CADM2: variants seen among roughly 807,000 people sequenced by gnomAD.
CADM2 encodes the protein cell adhesion molecule 2.
A neutral mutation model predicts 49.8 loss-of-function variants in CADM2; 12 were observed. That is an observed-to-expected ratio of 0.24 (90% CI 0.15 to 0.39). CADM2 has a LOEUF of 0.39. Among genes scored for constraint, CADM2 ranks in the 10% least tolerant of loss-of-function variants. The probability of loss-of-function intolerance (pLI) is 1.00; values close to 1 mark genes in which losing one functional copy is unlikely to be tolerated. For missense variants in CADM2, 378 were observed against 492.3 expected (o/e 0.77, Z 2.20); for synonymous variants, 214 against 175.4 (o/e 1.22, Z -1.74).
chr3:85,471,136 T>C (rs189629260), intron 1 of CADM2, among the ~76,000 whole-genome samples: 31 of 152,222 alleles, frequency 2.0e-4, no homozygotes, highest in African/African-American at 6.3e-4. Context: ...TAAAATAGCC[T>C]AAAAGTGAGC....
chr3:85,175,374 A>C (rs996013040), intron 1 of CADM2, among the ~76,000 whole-genome samples: 1 of 152,208 alleles, frequency 6.6e-6, no homozygotes, highest in Non-Finnish European at 1.5e-5. Context: ...TCATCATTGG[A>C]TGAATGGATA....
intron 1 of CADM2, among the ~76,000 whole-genome samples, chr3:85,422,748 C>CT (rs1427550611): frequency 6.6e-6 from 1 of 151,904 alleles, no homozygotes; most frequent in East Asian, 1.9e-4. Flanking sequence ...TGGGGTGTGT[C>CT]TTTTTTATTT....
chr3:85,854,102 T>G (rs915308066), intron 3 of CADM2, among the ~76,000 whole-genome samples: 1 of 152,192 alleles, frequency 6.6e-6, no homozygotes, highest in Non-Finnish European at 1.5e-5. Flanking sequence ...ATAGATAAAC[T>G]TTTTTAAAAA....
At chr3:85,367,626 T>C (rs9853563) in intron 1 of CADM2, among the ~76,000 whole-genome samples, 4,813 of 151,918 alleles carry the variant, frequency 0.032, 120 homozygotes, top group Non-Finnish European at 0.045. Context: ...AGAAAAAGAA[T>C]TGACATAATA....
At chr3:85,741,976 C>T (rs752068032) in intron 2 of CADM2, among the ~76,000 whole-genome samples, 31 of 152,058 alleles carry the variant, frequency 2.0e-4, no homozygotes, top group Admixed American at 6.6e-4. Context: ...AACTTCTAGA[C>T]GGATATAAGT....
intron 8 of CADM2, among the ~76,000 whole-genome samples, chr3:86,011,680 A>G (rs1731531976): frequency 6.6e-6 from 1 of 152,148 alleles, no homozygotes; most frequent in South Asian, 2.1e-4. Flanking sequence ...TGCCAATTGT[A>G]TTTTACAAGA....
At chr3:85,568,024 G>T (rs1180529345) in intron 1 of CADM2, among the ~76,000 whole-genome samples, 2 of 152,152 alleles carry the variant, frequency 1.3e-5, no homozygotes, top group African/African-American at 4.8e-5. Flanking sequence ...ATTGAGGAAG[G>T]ATCTTTCTTA....
chr3:85,761,766 T>A (rs182887449), intron 2 of CADM2, among the ~76,000 whole-genome samples: 9 of 152,282 alleles, frequency 5.9e-5, no homozygotes, highest in Admixed American at 5.9e-4. Flanking sequence ...TTCTTGTGTG[T>A]TTGTTAGTAG....
At chr3:85,277,817 T>C (rs1261796231) in intron 1 of CADM2, among the ~76,000 whole-genome samples, 1 of 150,804 alleles carries the variant, frequency 6.6e-6, no homozygotes, top group African/African-American at 2.4e-5. Context: ...TAAAAAAGTT[T>C]AGATCAGTTT....
At chr3:85,602,977 C>A (rs985145122) in intron 1 of CADM2, among the ~76,000 whole-genome samples, 3 of 151,694 alleles carry the variant, frequency 2.0e-5, no homozygotes, top group African/African-American at 4.8e-5. Flanking sequence ...TTAGTACTGA[C>A]TTACACAAGC....
intron 1 of CADM2, among the ~76,000 whole-genome samples, chr3:85,269,430 T>G (rs2043187733): frequency 1.3e-5 from 2 of 151,456 alleles, no homozygotes; most frequent in South Asian, 4.1e-4. Context: ...AGTAAATTAA[T>G]TAATCAATAA....
chr3:85,759,327 C>A (rs1480716830), intron 2 of CADM2, among the ~76,000 whole-genome samples: 1 of 152,018 alleles, frequency 6.6e-6, no homozygotes, highest in Admixed American at 6.6e-5. Flanking sequence ...AAAGGTAACA[C>A]AATATCAAAA....
intron 1 of CADM2, among the ~76,000 whole-genome samples, chr3:85,497,350 ATTTC>A (rs2039947423): frequency 6.6e-6 from 1 of 151,950 alleles, no homozygotes; most frequent in South Asian, 2.1e-4. Context: ...ATCTTTCTCC[ATTTC>A]TTTACTTTAA....
intron 1 of CADM2, among the ~76,000 whole-genome samples, chr3:85,419,445 A>G (rs1353249693): frequency 3.0e-5 from 4 of 133,922 alleles, no homozygotes; most frequent in Admixed American, 2.5e-4. Context: ...GCGACAGAGC[A>G]AGACTCCGTC....
chr3:85,705,396 G>T (rs1271647914), intron 1 of CADM2, among the ~76,000 whole-genome samples: 2 of 152,084 alleles, frequency 1.3e-5, no homozygotes, highest in African/African-American at 4.8e-5. Context: ...CAGAGACATG[G>T]CATACCTTGT....
intron 1 of CADM2, among the ~76,000 whole-genome samples, chr3:85,019,727 GC>G (rs907656161): frequency 6.6e-6 from 1 of 152,150 alleles, no homozygotes; most frequent in African/African-American, 2.4e-5. Context: ...CAGTATAGAA[GC>G]CACCATTTTA....
chr3:86,037,742 A>G (rs1232403319), intron 8 of CADM2, among the ~76,000 whole-genome samples: 1 of 152,232 alleles, frequency 6.6e-6, no homozygotes, highest in African/African-American at 2.4e-5. Context: ...AAAGTAGAAT[A>G]TACCATATAC....
At chr3:85,388,338 G>T (rs911291227) in intron 1 of CADM2, among the ~76,000 whole-genome samples, 22 of 152,250 alleles carry the variant, frequency 1.4e-4, no homozygotes, top group Middle Eastern at 6.8e-3. Flanking sequence ...TTAATTGTTT[G>T]GCCTGGGATT....
chr3:85,335,853 T>C (rs550123025), intron 1 of CADM2, among the ~76,000 whole-genome samples: 25 of 151,576 alleles, frequency 1.6e-4, no homozygotes, highest in Admixed American at 1.4e-3. Context: ...TATTTGTCCA[T>C]GCAGAATTCA....
Sources: allele counts gnomAD v4.1 joint callset (sites outside exome capture counted in the v4.1 genomes callset), GRCh38; gene constraint gnomAD v4.1.1; transcripts MANE v1.5; gene names NCBI Gene and HGNC (gene_info 2026-07-23, HGNC 2026-07-21).